Variants in NKAIN3 observed in about 807,000 individuals in gnomAD.
The protein encoded by NKAIN3 is sodium/potassium-transporting ATPase subunit beta-1-interacting protein 3.
NKAIN3 carries 25 observed loss-of-function variants against 30.2 expected under a neutral mutation model. The observed-to-expected ratio is 0.83, with a 90% CI of 0.60 to 1.16. The LOEUF is 1.16. Ranked by LOEUF, NKAIN3 falls within the 50% of genes most tolerant of loss-of-function variation. NKAIN3 has a pLI of 0.00. For missense variants in NKAIN3, 225 were observed against 254.1 expected, an observed-to-expected ratio of 0.89 and a Z score of 0.78; for synonymous variants, 91 against 89.6, an observed-to-expected ratio of 1.02 and a Z score of -0.09.
chr8:62,404,801 C>T (rs1392821260), intron 1 of NKAIN3, among the ~76,000 whole-genome samples: 1 of 143,200 alleles, frequency 7.0e-6, no homozygotes, highest in Non-Finnish European at 1.6e-5. Context: ...GTGTACTTTT[C>T]CCTGTCCTTT....
intron 4 of NKAIN3, among the ~76,000 whole-genome samples, chr8:62,900,628 A>G (rs572000571): frequency 6.6e-6 from 1 of 152,364 alleles, no homozygotes; most frequent in South Asian, 2.1e-4. Context: ...GAATTAATGA[A>G]CATACAGTGT....
At chr8:62,541,037 C>T (rs114716517) in intron 1 of NKAIN3, among the ~76,000 whole-genome samples, 1,879 of 152,210 alleles carry the variant, frequency 0.012, 32 homozygotes, top group African/African-American at 0.042. Flanking sequence ...CAACCAGGCT[C>T]AGTGGCTAAT....
rs185540812 is a variant in NKAIN3, at chr8:62,253,813, A to G, written c.54+4686A>G. Among the ~76,000 whole-genome samples the G allele has an allele frequency of 5.3e-5, 8 of 152,334 alleles. No homozygotes were observed. The East Asian group carries it at 1.3e-3, about 26-fold the overall frequency. ...TTTAACTAAGCTCTATGAAAGGTGC[A>G]GCTCACCTGTCGTAGATATTGGACA... On this transcript the variant is annotated intron_variant, in intron 1 of 6. Transcript: ENST00000623646.
At chr8:62,757,655 C>A (rs546392866) in intron 4 of NKAIN3, among the ~76,000 whole-genome samples, 1 of 152,232 alleles carries the variant, frequency 6.6e-6, no homozygotes, top group African/African-American at 2.4e-5. Context: ...CCATCTAAGG[C>A]GTTCACTCTT....
intron 1 of NKAIN3, chr8:62,383,509 G>A (rs945485988): frequency 1.1e-5 from 5 of 455,360 alleles, no homozygotes; most frequent in Middle Eastern, 3.3e-4. Context: ...ACCTGTTCAG[G>A]CAGATCTTTC....
intron 4 of NKAIN3, among the ~76,000 whole-genome samples, chr8:62,748,412 G>A (rs1007218913): frequency 3.9e-5 from 6 of 152,124 alleles, no homozygotes; most frequent in South Asian, 2.1e-4. Flanking sequence ...AAGTCAACAC[G>A]CAAGCATTTG....
intron 5 of NKAIN3, among the ~76,000 whole-genome samples, chr8:62,950,194 A>AT (rs1388155223): frequency 6.6e-6 from 1 of 151,980 alleles, no homozygotes; most frequent in Non-Finnish European, 1.5e-5. Context: ...AATTTTCTTC[A>AT]TTTTTTAAAG....
chr8:62,804,514 G>C (rs1192161174), intron 4 of NKAIN3, among the ~76,000 whole-genome samples: 1 of 152,194 alleles, frequency 6.6e-6, no homozygotes, highest in Non-Finnish European at 1.5e-5. Context: ...ATCAATAAAT[G>C]TAATCCAGCA....
chr8:62,372,216 GA>G (rs141145879), intron 1 of NKAIN3, among the ~76,000 whole-genome samples: 2 of 151,052 alleles, frequency 1.3e-5, no homozygotes, highest in Admixed American at 1.3e-4. Context: ...CTTAAAAAAA[GA>G]AAAAAAATGT....
At chr8:62,774,722 T>C (rs543014227) in intron 4 of NKAIN3, among the ~76,000 whole-genome samples, 20 of 152,336 alleles carry the variant, frequency 1.3e-4, no homozygotes, top group African/African-American at 4.3e-4. Context: ...GATTTGCATA[T>C]GATGAATTAT....
At chr8:62,990,568 T>A (rs73683969) in intron 5 of NKAIN3, 5,992 of 187,572 alleles carry the variant, frequency 0.032, 355 homozygotes, top group African/African-American at 0.13. Context: ...AATTTTCATG[T>A]GAATTTCCCA....
chr8:62,535,653 G>A (rs1381902436), intron 1 of NKAIN3, among the ~76,000 whole-genome samples: 1 of 152,272 alleles, frequency 6.6e-6, no homozygotes, highest in East Asian at 1.9e-4. Context: ...GATGTATAGG[G>A]TGAGGTATGG....
At chr8:62,503,886 T>C (rs1807542667) in intron 1 of NKAIN3, among the ~76,000 whole-genome samples, 1 of 152,156 alleles carries the variant, frequency 6.6e-6, no homozygotes, top group Admixed American at 6.5e-5. Context: ...TTACAATCAA[T>C]TTGTACAGTT....
Position 62,979,693 on chromosome 8 carries a change from A to G in NKAIN3, c.*14286A>G, listed in dbSNP as rs889587073. 1 of 152,236 alleles carries G rather than the reference A, an allele frequency of 6.6e-6. No individual in the cohort carries two copies. Among genetic ancestry groups the G allele is most frequent in the African/African-American group, 2.4e-5 (1 of 41,466 alleles). The allele number at this position is 152,236 out of a possible 1,614,324, so 9.4% of individuals were successfully genotyped here. A position where few individuals can be genotyped will look rare whatever the true frequency, so the allele number is the denominator to read the frequency against. On this transcript the variant is annotated 3_prime_UTR_variant, in exon 7 of 7. Transcript: ENST00000623646. ...CTGGTAGTTACAGTGGTTTTGCTTC[A>G]TGTCCCATCCCACTGGGGCTGCTAT... is the stretch of plus-strand genomic sequence containing the variant.
chr8:62,299,352 T>A (rs776926266), intron 1 of NKAIN3, among the ~76,000 whole-genome samples: 2 of 152,080 alleles, frequency 1.3e-5, no homozygotes, highest in Non-Finnish European at 2.9e-5. Flanking sequence ...CATGGGTCTG[T>A]TTCACAGTAA....
intron 1 of NKAIN3, among the ~76,000 whole-genome samples, chr8:62,273,150 G>A (rs917543800): frequency 6.6e-6 from 1 of 152,146 alleles, no homozygotes; most frequent in South Asian, 2.1e-4. Flanking sequence ...GCTGATCTTT[G>A]TTCTATACTT....
chr8:62,430,366 GGTGTGTGTGTGTGTGTGT>G (rs59837325), intron 1 of NKAIN3, among the ~76,000 whole-genome samples: 5 of 142,460 alleles, frequency 3.5e-5, no homozygotes, highest in East Asian at 2.1e-4. Flanking sequence ...TATATATTGT[GGTGTGTGTGTGTGTGTGT>G]GTGTGTGTGT....
chr8:62,716,099 T>A (rs931774729), intron 3 of NKAIN3, among the ~76,000 whole-genome samples: 2 of 152,136 alleles, frequency 1.3e-5, no homozygotes, highest in Admixed American at 1.3e-4. Context: ...TTTGACTGAA[T>A]GAGTGTAGAT....
chr8:62,661,826 C>T (rs1812954244), intron 3 of NKAIN3, among the ~76,000 whole-genome samples: 1 of 152,150 alleles, frequency 6.6e-6, no homozygotes. Flanking sequence ...CTGTTAAAGT[C>T]CTGCCTGTTG....
Sources: allele counts gnomAD v4.1 joint callset (sites outside exome capture counted in the v4.1 genomes callset), GRCh38; gene constraint gnomAD v4.1.1; transcripts MANE v1.5; gene names NCBI Gene and HGNC (gene_info 2026-07-23, HGNC 2026-07-21).